The following MEGF6 variants were observed in gnomAD, a reference collection of about 807,000 sequenced individuals.
MEGF6 encodes the protein multiple EGF like domains 6.
MEGF6 carries 184 observed loss-of-function variants against 207.1 expected under a neutral mutation model. The observed-to-expected ratio is 0.89, with a 90% CI of 0.79 to 1.00. The LOEUF (loss-of-function observed/expected upper bound fraction) is 1.00. Ranked by LOEUF, MEGF6 falls within the 50% of genes least tolerant of loss-of-function variation. The pLI, the probability that MEGF6 is intolerant of heterozygous loss-of-function variation, is 0.00. For missense variants in MEGF6, 2,282 were observed against 2,202.9 expected (o/e 1.04, Z -0.72); for synonymous variants, 1,038 against 910.0 (o/e 1.14, Z -2.53).
chr1:3,516,862 GCT>G (rs1641560226), intron 5 of MEGF6, among the ~76,000 whole-genome samples: 1 of 152,194 alleles, frequency 6.6e-6, no homozygotes, highest in South Asian at 2.1e-4. Flanking sequence ...CGCAGTGATG[GCT>G]CTGTCTCCTG....
rs889621034 is a variant in MEGF6, at chr1:3,500,501, G to A, written c.2707+132C>T. ...TGGGTGTGTGCGCGCACAGGAGGGG[G>A]CGCGGCCAAAGGCTTCGTGTGTGTG... is the stretch of plus-strand genomic sequence containing the variant. On this transcript the variant is annotated intron_variant, in intron 21 of 36. Transcript: ENST00000356575. 4.6e-6 allele frequency: 6 copies of A among 1,317,452 alleles called. No homozygotes were observed. In the African/African-American group the frequency reaches 5.9e-5, roughly 13 times the overall value. The allele number at this position is 1,317,452 out of a possible 1,614,324, so 81.6% of individuals were successfully genotyped here.
At chr1:3,523,284 G>A (rs1234728680) in intron 5 of MEGF6, among the ~76,000 whole-genome samples, 1 of 152,180 alleles carries the variant, frequency 6.6e-6, no homozygotes, top group Non-Finnish European at 1.5e-5. Flanking sequence ...TGGGGCGCCT[G>A]TGCCCAGAGC....
rs1324032854 is a variant in MEGF6 at position 3,534,362 on chromosome 1, TC to T, written c.482-10117del. Among the ~76,000 whole-genome samples, 3 of 152,256 alleles carry T rather than the reference TC, an allele frequency of 2.0e-5. No individual in the cohort carries two copies. In the East Asian group the frequency reaches 5.8e-4, roughly 29 times the overall value. On this transcript the variant is annotated intron_variant, in intron 4 of 36. Transcript: ENST00000356575. ...AATTTCACCTATTTGTTTTTGCTTT[TC>T]TGACGTGGCCCTGAGAAACTGTGAG...
rs1340352647 is a variant in MEGF6 at position 3,505,248 on chromosome 1, C to T, written c.2148G>A (p.Lys716=). 6.2e-7 allele frequency: 1 copy of T among 1,612,362 alleles called. No homozygotes were observed. The highest frequency in any genetic ancestry group is 8.5e-7 in the Non-Finnish European group (1 of 1,179,824). ...ACDSVSGECG[K]RCPAGFQGED... is the part of the protein sequence containing the mutation. The stretch of plus-strand genomic sequence containing the variant: ...CTCCCTGGAAGCCAGCAGGACACCG[C>T]TTCCCACACTCGCCGCTCACGGAGT... The change falls in exon 17 of 37, where the codon AAG becomes AAA. Residue 716 remains lysine (K), a synonymous_variant. Coordinates refer to ENST00000356575, the MANE Select transcript of MEGF6 (RefSeq NM_001409.4).
At chr1:3,533,262 GCC>G (rs904261462) in intron 4 of MEGF6, among the ~76,000 whole-genome samples, 1 of 152,024 alleles carries the variant, frequency 6.6e-6, no homozygotes, top group African/African-American at 2.4e-5. Context: ...AGGCCAGCCC[GCC>G]CCCTTGGCCC....
chr1:3,546,050 G>C (rs1037672000), intron 4 of MEGF6, among the ~76,000 whole-genome samples: 10 of 152,254 alleles, frequency 6.6e-5, no homozygotes, highest in Non-Finnish European at 1.2e-4. Flanking sequence ...GGACAGCAGA[G>C]CAGAGGCCTG....
intron 36 of MEGF6, 129 bp from the exon 37 acceptor site, chr1:3,490,718 C>T: frequency 1.1e-6 from 1 of 951,596 alleles, no homozygotes; most frequent in Non-Finnish European, 1.5e-6. Flanking sequence ...GTGGGTGGGG[C>T]CCACCCATCC....
chr1:3,494,779 C>T (rs377037761), intron 30 of MEGF6, 38 bp from the exon 31 acceptor site: 133 of 1,515,558 alleles, frequency 8.8e-5, no homozygotes, highest in Non-Finnish European at 1.0e-4. Context: ...GAGCTCTGGC[C>T]GAGGGCTGGG....
upstream of MEGF6, among the ~76,000 whole-genome samples, chr1:3,615,713 G>A (rs766105814): frequency 1.5e-4 from 23 of 152,212 alleles, no homozygotes; most frequent in Non-Finnish European, 1.9e-4. Flanking sequence ...ATGGAAGCCC[G>A]CGTGTGGGAC....
intron 4 of MEGF6, among the ~76,000 whole-genome samples, chr1:3,566,319 G>C (rs900401929): frequency 2.6e-5 from 4 of 152,178 alleles, no homozygotes; most frequent in Admixed American, 2.6e-4. Flanking sequence ...CCATGGGAAG[G>C]GGGGCATGGG....
chr1:3,616,455 C>T (rs542785037), upstream of MEGF6, among the ~76,000 whole-genome samples: 25 of 152,254 alleles, frequency 1.6e-4, no homozygotes, highest in Admixed American at 3.3e-4. Flanking sequence ...TCAACACCAA[C>T]GACCACCCCG....
At chr1:3,502,050 C>CACCTCCTCATAT (rs1640912825) in intron 17 of MEGF6, 129 bp from the exon 18 acceptor site, 1 of 37,066 alleles carries the variant, frequency 2.7e-5, no homozygotes, top group Non-Finnish European at 4.4e-5. Context: ...TGTGCCCCCC[C>CACCTCCTCATAT]GGCGCCTCCT....
chr1:3,613,662 G>A (rs1386529252), upstream of MEGF6, among the ~76,000 whole-genome samples: 1 of 152,132 alleles, frequency 6.6e-6, no homozygotes, highest in African/African-American at 2.4e-5. Context: ...GGCAGGGGAG[G>A]GTTCAGGTTT....
At chr1:3,585,289 GT>G (rs1395551915) in intron 3 of MEGF6, among the ~76,000 whole-genome samples, 4 of 150,428 alleles carry the variant, frequency 2.7e-5, no homozygotes, top group Admixed American at 2.6e-4. Context: ...CATGTCCTGT[GT>G]GTGGGTGTGC....
chr1:3,497,096 C>T lies in MEGF6; in HGVS notation c.3505G>A (p.Glu1169Lys). The T allele has an allele frequency of 1.3e-6, 2 of 1,572,206 alleles. No individual in the cohort carries two copies. ...EQACPPGSFGEDCAQMCQCPG... is the reference protein window; with the variant it reads ...EQACPPGSFGKDCAQMCQCPG... The stretch of plus-strand genomic sequence containing the variant: ...CACTGGCACATCTGCGCACAGTCCT[C>T]CCCAAAGCTGCCGGGTGGGCAGGCT... Residue 1169 changes from glutamate to lysine, a missense_variant, in exon 28 of 37, where the codon GAG becomes AAG. Physicochemically the swap from Glu to Lys is moderately conservative, Grantham distance 56. Transcript: ENST00000356575.
At chr1:3,513,069 G>T (rs1641410826) in intron 7 of MEGF6, among the ~76,000 whole-genome samples, 1 of 152,202 alleles carries the variant, frequency 6.6e-6, no homozygotes, top group African/African-American at 2.4e-5. Flanking sequence ...CCTGCAACCT[G>T]ACTCTAAGCA....
intron 3 of MEGF6, among the ~76,000 whole-genome samples, chr1:3,587,433 G>A (rs1020897811): frequency 1.3e-5 from 2 of 152,126 alleles, no homozygotes; most frequent in South Asian, 2.1e-4. Context: ...TTTTTCTCCC[G>A]GTGTTCAATG....
intron 4 of MEGF6, among the ~76,000 whole-genome samples, chr1:3,570,495 G>C (rs1343721154): frequency 6.6e-6 from 1 of 152,244 alleles, no homozygotes. Context: ...CCAGAAACCA[G>C]GCAGAGCTCC....
chr1:3,516,613 T>C (rs1035821045), intron 5 of MEGF6, among the ~76,000 whole-genome samples: 8 of 152,096 alleles, frequency 5.3e-5, no homozygotes, highest in African/African-American at 1.9e-4. Flanking sequence ...GGGGAACCCG[T>C]CTACTGTTGC....
Sources: gnomAD v4.1 joint callset for allele counts (sites outside exome capture counted in the v4.1 genomes callset) on GRCh38, gnomAD v4.1.1 for gene constraint, MANE v1.5 for transcripts, NCBI Gene and HGNC (gene_info 2026-07-23, HGNC 2026-07-21) for gene names.